KALRN: variants seen among roughly 807,000 people sequenced by gnomAD.
KALRN encodes the protein kalirin.
In KALRN, 70 loss-of-function variants were observed where a neutral mutation model predicts 353.7. The ratio of observed to expected loss-of-function variants is 0.20; its 90% CI spans 0.16 to 0.24. The LOEUF is 0.24. Ranked by LOEUF, KALRN falls within the 10% of genes least tolerant of loss-of-function variation. The pLI is 1.00. For synonymous variants in KALRN, 1,391 were observed against 1,434.8 expected (o/e 0.97, Z 0.69); for missense variants, 2,791 against 3,756.7 (o/e 0.74, Z 6.72).
chr3:124,714,503 T>C (rs1363555173), intron 58 of KALRN, among the ~76,000 whole-genome samples: 4 of 152,176 alleles, frequency 2.6e-5, no homozygotes, highest in African/African-American at 9.7e-5. Context: ...GAATACTTAG[T>C]TTGCTGGGGC....
chr3:124,203,058 C>CAGT (rs1579330440), intron 1 of KALRN, among the ~76,000 whole-genome samples: 1 of 152,204 alleles, frequency 6.6e-6, no homozygotes, highest in African/African-American at 2.4e-5. Flanking sequence ...ACCTTGGTTG[C>CAGT]AGTACTCTGG....
chr3:124,160,746 C>G (rs2069801636), intron 1 of KALRN, among the ~76,000 whole-genome samples: 1 of 152,126 alleles, frequency 6.6e-6, no homozygotes, highest in Non-Finnish European at 1.5e-5. Context: ...GGGATGCACA[C>G]TGGGAGCCTT....
intron 15 of KALRN, among the ~76,000 whole-genome samples, chr3:124,424,599 C>T (rs1260298020): frequency 2.0e-5 from 3 of 152,112 alleles, no homozygotes; most frequent in Non-Finnish European, 4.4e-5. Flanking sequence ...CAAGCAAGGC[C>T]GGGTTACAGT....
At chr3:124,692,784 C>T (rs1442593567) in intron 51 of KALRN, among the ~76,000 whole-genome samples, 1 of 152,218 alleles carries the variant, frequency 6.6e-6, no homozygotes, top group Non-Finnish European at 1.5e-5. Context: ...TATAGTGGAA[C>T]ATCAGTTATT....
chr3:124,647,150 T>C (rs967729069), intron 37 of KALRN, among the ~76,000 whole-genome samples: 4 of 152,086 alleles, frequency 2.6e-5, no homozygotes, highest in African/African-American at 9.7e-5. Context: ...CAAATGACCC[T>C]CTCACCACAG....
At chr3:124,612,215 T>A (rs2078068836) in intron 34 of KALRN, among the ~76,000 whole-genome samples, 2 of 151,784 alleles carry the variant, frequency 1.3e-5, no homozygotes, top group African/African-American at 2.4e-5. Flanking sequence ...TTAATTTTTA[T>A]TTTTTGAGAC....
intron 51 of KALRN, among the ~76,000 whole-genome samples, chr3:124,688,921 C>T (rs1248771167): frequency 6.6e-6 from 1 of 152,166 alleles, no homozygotes; most frequent in Non-Finnish European, 1.5e-5. Flanking sequence ...GAAGAAAAAA[C>T]GATAAAATTA....
intron 34 of KALRN, among the ~76,000 whole-genome samples, chr3:124,573,877 G>A (rs533486570): frequency 6.6e-6 from 1 of 152,166 alleles, no homozygotes; most frequent in Admixed American, 6.5e-5. Flanking sequence ...ATATATTTGA[G>A]CTAAAAATTC....
intron 1 of KALRN, among the ~76,000 whole-genome samples, chr3:124,187,740 A>G (rs2074403316): frequency 6.6e-6 from 1 of 152,196 alleles, no homozygotes; most frequent in Non-Finnish European, 1.5e-5. Flanking sequence ...CAGGCCAATT[A>G]AGTCTACAAT....
At chr3:124,712,908 G>T in intron 57 of KALRN, 27 bp from the exon 58 acceptor site, 1 of 1,543,610 alleles carries the variant, frequency 6.5e-7, no homozygotes, top group Non-Finnish European at 8.9e-7. Context: ...AATGAATGTT[G>T]GCAAACTCTC....
At chr3:124,460,623 G>A (rs1213802508) in intron 23 of KALRN, among the ~76,000 whole-genome samples, 1 of 152,160 alleles carries the variant, frequency 6.6e-6, no homozygotes, top group African/African-American at 2.4e-5. Context: ...ACGTGATCTT[G>A]TTTAATACTT....
chr3:124,101,518 C>T (rs1206417456), intron 1 of KALRN, among the ~76,000 whole-genome samples: 1 of 152,216 alleles, frequency 6.6e-6, no homozygotes, highest in African/African-American at 2.4e-5. Flanking sequence ...CTCTCCCTGT[C>T]TGGCCATTCT....
chr3:124,519,204 G>A, intron 33 of KALRN: 3 of 979,856 alleles, frequency 3.1e-6, no homozygotes, highest in Non-Finnish European at 3.6e-6. Context: ...GGTGGGAAGA[G>A]TGAGAAGATA....
At chr3:124,550,850 G>A (rs548733938) in intron 33 of KALRN, among the ~76,000 whole-genome samples, 24 of 152,180 alleles carry the variant, frequency 1.6e-4, no homozygotes, top group African/African-American at 2.6e-4. Context: ...TTAGCCGGGC[G>A]TGGTGGTGGG....
chr3:124,576,936 T>C (rs922387198), intron 34 of KALRN, among the ~76,000 whole-genome samples: 3 of 152,196 alleles, frequency 2.0e-5, no homozygotes, highest in Non-Finnish European at 2.9e-5. Flanking sequence ...TGGAAGTAGA[T>C]AAAACCTGGA....
intron 10 of KALRN, among the ~76,000 whole-genome samples, chr3:124,368,101 C>A (rs1441100127): frequency 1.5e-5 from 1 of 67,300 alleles, no homozygotes; most frequent in Non-Finnish European, 3.0e-5. Flanking sequence ...CTGACCCCCC[C>A]ACCTCCCTCC....
intron 1 of KALRN, among the ~76,000 whole-genome samples, chr3:124,202,900 C>T (rs550047781): frequency 6.6e-6 from 1 of 152,308 alleles, no homozygotes; most frequent in South Asian, 2.1e-4. Flanking sequence ...GCCCTTCTGG[C>T]TGTCTGCATC....
chr3:124,168,844 ATG>A (rs1355533670), intron 1 of KALRN, among the ~76,000 whole-genome samples: 2 of 152,228 alleles, frequency 1.3e-5, no homozygotes, highest in African/African-American at 4.8e-5. Context: ...AGGCATCTCC[ATG>A]TGTCTTCATT....
At chr3:124,301,276 C>A (rs552931309) in intron 6 of KALRN, among the ~76,000 whole-genome samples, 6 of 152,338 alleles carry the variant, frequency 3.9e-5, no homozygotes, top group Admixed American at 1.3e-4. Context: ...TTTCTTCAGA[C>A]AGATTTACTG....
Sources: allele counts gnomAD v4.1 joint callset (sites outside exome capture counted in the v4.1 genomes callset), GRCh38; gene constraint gnomAD v4.1.1; transcripts MANE v1.5; gene names NCBI Gene and HGNC (gene_info 2026-07-23, HGNC 2026-07-21).